Variants in RSRP1 observed in about 807,000 individuals in gnomAD.
The protein encoded by RSRP1 is arginine and serine rich protein 1.
Under a neutral mutation model 33.0 loss-of-function variants are expected in RSRP1, and 37 were observed. The ratio of observed to expected loss-of-function variants is 1.12; its 90% CI spans 0.86 to 1.48. The LOEUF (loss-of-function observed/expected upper bound fraction) is 1.48. RSRP1 is among the 40% of genes most tolerant of loss of function. RSRP1 has a pLI of 0.00. For missense variants in RSRP1, 402 were observed against 385.3 expected, an observed-to-expected ratio of 1.04 and a Z score of -0.36; for synonymous variants, 167 against 158.7, an observed-to-expected ratio of 1.05 and a Z score of -0.40.
intron 1 of RSRP1, 133 bp downstream of exon 1, chr1:25,247,176 T>TC: frequency 2.0e-6 from 1 of 506,390 alleles, no homozygotes; most frequent in Non-Finnish European, 3.4e-6. Context: ...GAAACCCCGC[T>TC]CGGCGCCCTG....
At chr1:25,291,795 A>G (rs1402298249) in intron 1 of RSRP1, among the ~76,000 whole-genome samples, 4 of 132,586 alleles carry the variant, frequency 3.0e-5, no homozygotes, top group African/African-American at 1.0e-4. Context: ...CTGTGAAGGT[A>G]AGGCCAATCC....
rs536772094 is a variant in RSRP1, at chr1:25,246,299, G to A, written c.520+145C>T. 3.9e-6 allele frequency: 5 copies of A among 1,290,318 alleles called. No individual in the cohort carries two copies. In the East Asian group the frequency reaches 7.0e-5, roughly 18 times the overall value. The allele number at this position is 1,290,318 out of a possible 1,614,324, so 79.9% of individuals were successfully genotyped here. On this transcript the variant is annotated intron_variant, in intron 2 of 4. Transcript: ENST00000243189. ...AGAGAATGCTGTCCACTTAAATACAGGTAATGTCCTCCCTCTTTCCTCCAA... is the reference window on the plus strand; with the variant it reads ...AGAGAATGCTGTCCACTTAAATACAAGTAATGTCCTCCCTCTTTCCTCCAA...
chr1:25,246,772 G>C lies in RSRP1; in HGVS notation c.192C>G (p.Ser64=). 6.2e-7 allele frequency: 1 copy of C among 1,612,704 alleles called. No individual in the cohort carries two copies. The highest frequency in any genetic ancestry group is 1.3e-5 in the African/African-American group (1 of 75,058). The part of the protein sequence containing the change: ...SSRSRRSKSR[S]RSRRRHQRKY... ...TCCGCTGGTGGCGCCTTCGGGAACG[G>C]GACCTGGACTTGCTCCTCCGACTCC... Residue 64 remains serine (S), a synonymous_variant, in exon 2 of 5, where the codon TCC becomes TCG. Coordinates refer to ENST00000243189, the MANE Select transcript of RSRP1 (RefSeq NM_020317.5).
chr1:25,282,556 T>C lies in RSRP1; in HGVS notation c.-66-35527A>G, dbSNP rs1217751908. ...GGCAATTTAGTGAGGTTTAATCTAATAGGAAATGATAGAGCTGGGATCGAA... is the reference window on the plus strand; with the variant it reads ...GGCAATTTAGTGAGGTTTAATCTAACAGGAAATGATAGAGCTGGGATCGAA... On this transcript the variant is annotated intron_variant, in intron 1 of 1. Transcript: ENST00000561867. Among the ~76,000 whole-genome samples the C allele has an allele frequency of 5.3e-5, 7 of 132,068 alleles. No individual in the cohort carries two copies. In the East Asian group the frequency reaches 1.2e-3, roughly 22 times the overall value. 86.6% of individuals were successfully genotyped at this position (132,068 alleles called of 152,430 possible).
rs1643655536 is a variant in RSRP1, at chr1:25,304,614, GT to G, written c.-67+33363del. ...CTCTGTCTTAAAAAAAAAAAAAGTG[GT>G]TTATATACAGAGTGGAATATTATTT... On this transcript the variant is annotated intron_variant, in intron 1 of 1. Transcript: ENST00000561867. The G allele has an allele frequency of 2.3e-5, 3 of 130,136 alleles. 1 individual carries two copies. Among genetic ancestry groups the G allele is most frequent in the Non-Finnish European group, 5.4e-5 (3 of 55,260 alleles). The allele number at this position is 130,136 out of a possible 1,614,324, so 8.1% of individuals were successfully genotyped here.
chr1:25,245,540 C>A (rs1176971380), intron 2 of RSRP1, among the ~76,000 whole-genome samples: 1 of 152,186 alleles, frequency 6.6e-6, no homozygotes, highest in African/African-American at 2.4e-5. Context: ...GTTTGAGAGA[C>A]TGTAAACCCC....
At chr1:25,243,187 G>A (rs1639016190) in intron 4 of RSRP1, among the ~76,000 whole-genome samples, 1 of 152,188 alleles carries the variant, frequency 6.6e-6, no homozygotes, top group African/African-American at 2.4e-5. Context: ...TGGGGCAGCA[G>A]GGAGACACTG....
At chr1:25,261,366 T>A (rs904081706) in intron 1 of RSRP1, among the ~76,000 whole-genome samples, 3 of 152,130 alleles carry the variant, frequency 2.0e-5, no homozygotes, top group Non-Finnish European at 4.4e-5. Flanking sequence ...CCAGATTTAC[T>A]ATCACAAAGA....
chr1:25,321,428 AGGTG>A (rs1644693792), intron 1 of RSRP1, among the ~76,000 whole-genome samples: 1 of 113,948 alleles, frequency 8.8e-6, no homozygotes, highest in Non-Finnish European at 2.0e-5. Flanking sequence ...TGGAAGGCTG[AGGTG>A]GGTGGATCAC....
rs1474477945 is a variant in RSRP1, at chr1:25,306,938, A to T, written c.-67+31040T>A. On this transcript the variant is annotated intron_variant, in intron 1 of 1. Coordinates refer to the RSRP1 transcript ENST00000561867. ...CCTCTCCAGGCCACCTCTTCTTTCCAAATAGGGCCACCTAGGTATAGACCA... is the reference window on the plus strand; with the variant it reads ...CCTCTCCAGGCCACCTCTTCTTTCCTAATAGGGCCACCTAGGTATAGACCA... The T allele has an allele frequency of 4.7e-5, 26 of 550,178 alleles. 7 individuals are homozygous for T. Among genetic ancestry groups the T allele is most frequent in the Non-Finnish European group, 4.2e-5 (12 of 284,016 alleles). The allele number at this position is 550,178 out of a possible 1,614,324, so 34.1% of individuals were successfully genotyped here.
At chr1:25,285,982 G>A (rs114039053) in intron 1 of RSRP1, among the ~76,000 whole-genome samples, 2,558 of 134,368 alleles carry the variant, frequency 0.019, 315 homozygotes, top group African/African-American at 0.061. Context: ...TAACTCTTCC[G>A]GGTAGGGATC....
rs751933696 is a variant in RSRP1, at chr1:25,290,660, AGTGCTTTGTCG to A, written c.-66-43642_-66-43632del. On this transcript the variant is annotated intron_variant, in intron 1 of 1. Transcript: ENST00000561867. ...CCCCAGTATTCGGCTGGCCACCATG[AGTGCTTTGTCG>A]GTGCTGATCTCAGTGGATGCTGTCT... is the stretch of plus-strand genomic sequence containing the variant. The A allele has an allele frequency of 2.0e-5, 27 of 1,377,762 alleles. 8 individuals carry two copies. The highest frequency in any genetic ancestry group is 1.8e-4 in the Admixed American group (10 of 55,898). The allele number at this position is 1,377,762 out of a possible 1,614,324, so 85.3% of individuals were successfully genotyped here.
chr1:25,289,194 G>C (rs28394582), intron 1 of RSRP1, among the ~76,000 whole-genome samples: 1 of 131,728 alleles, frequency 7.6e-6, no homozygotes, highest in Non-Finnish European at 1.8e-5. Flanking sequence ...TACAGAGAGT[G>C]AATTTTTTTT....
chr1:25,258,301 C>A (rs1640011900), intron 1 of RSRP1, among the ~76,000 whole-genome samples: 1 of 152,158 alleles, frequency 6.6e-6, no homozygotes, highest in African/African-American at 2.4e-5. Flanking sequence ...CTGCCTCAGT[C>A]TCCTGAGTAG....
Position 25,292,168 on chromosome 1 carries a change from G to A in RSRP1, c.-66-45139C>T, listed in dbSNP as rs760489256. ...GAATTAATCACATGAGATGATGCATGTTTACAAAAAAAAGCATGAAGCCCC... is the reference window on the plus strand; with the variant it reads ...GAATTAATCACATGAGATGATGCATATTTACAAAAAAAAGCATGAAGCCCC... On this transcript the variant is annotated intron_variant, in intron 1 of 1. Transcript: ENST00000561867. 2.3e-4 allele frequency among the ~76,000 whole-genome samples: 30 copies of A among 132,430 alleles called. 6 individuals carry two copies. The highest frequency in any genetic ancestry group is 5.4e-5 in the Non-Finnish European group (3 of 55,850). The allele number at this position is 132,430 out of a possible 152,430, so 86.9% of individuals were successfully genotyped here.
rs183625209 is a variant in RSRP1 at position 25,269,902 on chromosome 1, C to T, written c.-66-22873G>A. 7.6e-5 allele frequency among the ~76,000 whole-genome samples: 10 copies of T among 132,358 alleles called. 3 individuals carry two copies. Among genetic ancestry groups the T allele is most frequent in the African/African-American group, 2.1e-4 (8 of 38,790 alleles). The allele number at this position is 132,358 out of a possible 152,430, so 86.8% of individuals were successfully genotyped here. A position where few individuals can be genotyped will look rare whatever the true frequency, so the allele number is the denominator to read the frequency against. ...TGGAGTGCCTTGGAACCAACCACCA[C>T]CCACGCCGTTTGCCAGCTGGTAAAC... On this transcript the variant is annotated intron_variant, in intron 1 of 1. Coordinates refer to the RSRP1 transcript ENST00000561867.
intron 1 of RSRP1, chr1:25,304,317 A>G (rs1643623024): frequency 8.7e-6 from 1 of 114,918 alleles, no homozygotes; most frequent in Non-Finnish European, 2.0e-5. Context: ...CCAACCTAAA[A>G]TTAGGAAAAA....
intron 1 of RSRP1, among the ~76,000 whole-genome samples, chr1:25,252,824 C>T (rs117580088): frequency 0.012 from 1,884 of 151,960 alleles, 123 homozygotes; most frequent in Admixed American, 0.11. Context: ...CATGAGCCAT[C>T]GCACCTGGCC....
chr1:25,281,895 C>G (rs143355414), intron 1 of RSRP1, among the ~76,000 whole-genome samples: 2 of 132,524 alleles, frequency 1.5e-5, no homozygotes, highest in East Asian at 3.9e-4. Flanking sequence ...GTGTATGTTT[C>G]AATGGAAGTG....
Sources: gnomAD v4.1 joint callset for allele counts (sites outside exome capture counted in the v4.1 genomes callset) on GRCh38, gnomAD v4.1.1 for gene constraint, MANE v1.5 for transcripts, NCBI Gene and HGNC (gene_info 2026-07-23, HGNC 2026-07-21) for gene names.